TRPM3: variants seen among roughly 807,000 people sequenced by gnomAD.
TRPM3 encodes the protein transient receptor potential cation channel subfamily M member 3.
Under a neutral mutation model 181.2 loss-of-function variants are expected in TRPM3, and 77 were observed. The ratio of observed to expected loss-of-function variants is 0.42; its 90% confidence interval spans 0.35 to 0.51. TRPM3 has a LOEUF of 0.51. TRPM3 is among the 20% of genes least tolerant of loss of function. TRPM3 has a pLI of 0.01. For synonymous variants in TRPM3, 745 were observed against 796.4 expected (o/e 0.94, Z 1.09); for missense variants, 1,759 against 2,196.7 (o/e 0.80, Z 3.98).
At chr9:71,044,922 C>T (rs1476048720) in intron 1 of TRPM3, among the ~76,000 whole-genome samples, 1 of 152,082 alleles carries the variant, frequency 6.6e-6, no homozygotes, top group Non-Finnish European at 1.5e-5. Flanking sequence ...CCACCCGCCT[C>T]GGCCTCCCAA....
intron 1 of TRPM3, among the ~76,000 whole-genome samples, chr9:71,089,567 T>C (rs777813305): frequency 1.7e-4 from 25 of 150,536 alleles, no homozygotes; most frequent in Middle Eastern, 3.2e-3. Flanking sequence ...ATTTGGACAA[T>C]GATGTGAAAA....
At chr9:70,936,416 C>G (rs535009044) in intron 1 of TRPM3, among the ~76,000 whole-genome samples, 1 of 152,300 alleles carries the variant, frequency 6.6e-6, no homozygotes, top group East Asian at 1.9e-4. Context: ...GAGTTCCATA[C>G]TCTAAAGCTT....
At chr9:70,657,492 T>C (rs1277538457) in intron 9 of TRPM3, among the ~76,000 whole-genome samples, 2 of 152,164 alleles carry the variant, frequency 1.3e-5, no homozygotes, top group Admixed American at 1.3e-4. Context: ...ATATAATATT[T>C]GGTACACTGT....
chr9:71,123,750 A>T (rs1270311080), upstream of TRPM3, among the ~76,000 whole-genome samples: 2 of 152,196 alleles, frequency 1.3e-5, no homozygotes, highest in Non-Finnish European at 2.9e-5. Context: ...TCCAGTTGCG[A>T]GATGCTGCCT....
chr9:71,064,871 C>T lies in TRPM3; in HGVS notation c.177+56307G>A, dbSNP rs75713566. Among the ~76,000 whole-genome samples, 775 of 152,064 alleles carry T rather than the reference C, an allele frequency of 5.1e-3. 18 individuals carry two copies. The East Asian group carries it at 0.078, about 15-fold the overall frequency. On this transcript the variant is annotated intron_variant, in intron 1 of 25. Coordinates refer to ENST00000677713, the MANE Select transcript of TRPM3 (RefSeq NM_001366145.2). ...GGTTTATTGCTATCTTCTTATTAGCCCAGAAACTCTTGCAGGCTGAGATTA... is the reference window on the plus strand; with the variant it reads ...GGTTTATTGCTATCTTCTTATTAGCTCAGAAACTCTTGCAGGCTGAGATTA...
In TRPM3 at chr9:70,628,148, A is replaced by G. The variant is rs545442368; in HGVS notation, c.1633-2631T>C. On this transcript the variant is annotated intron_variant, in intron 12 of 25. Coordinates refer to ENST00000677713, the MANE Select transcript of TRPM3 (RefSeq NM_001366145.2). ...TATCCTTTGGCTTTCCTGGACTGTT[A>G]GGCGAGGCTGTTATTTAAAGAGTAG... is the stretch of plus-strand genomic sequence containing the variant. 6.6e-5 allele frequency among the ~76,000 whole-genome samples: 10 copies of G among 152,344 alleles called. No individual in the cohort carries two copies. The South Asian group carries it at 2.1e-3, about 32-fold the overall frequency.
chr9:71,381,875 GC>G (rs2092809408), intron 1 of TRPM3, among the ~76,000 whole-genome samples: 3 of 152,006 alleles, frequency 2.0e-5, no homozygotes, highest in African/African-American at 7.3e-5. Context: ...CTAAAGAAGG[GC>G]CTGGGTTCAG....
At chr9:70,821,428 T>A (rs983130689) in intron 6 of TRPM3, among the ~76,000 whole-genome samples, 1 of 152,220 alleles carries the variant, frequency 6.6e-6, no homozygotes, top group African/African-American at 2.4e-5. Flanking sequence ...ATAAGATTTT[T>A]AAATTCTTAT....
intron 1 of TRPM3, among the ~76,000 whole-genome samples, chr9:71,101,004 C>A (rs1033578673): frequency 6.6e-6 from 1 of 152,080 alleles, no homozygotes; most frequent in Non-Finnish European, 1.5e-5. Flanking sequence ...TCTTTCTCTA[C>A]TTGCTTTTTC....
chr9:70,802,244 A>G (rs942610990), intron 6 of TRPM3, among the ~76,000 whole-genome samples: 3 of 152,232 alleles, frequency 2.0e-5, no homozygotes, highest in African/African-American at 7.2e-5. Flanking sequence ...ACCATGAACA[A>G]TATTTTTTCC....
chr9:71,405,424 G>T (rs532723698), intron 1 of TRPM3, among the ~76,000 whole-genome samples: 232 of 152,190 alleles, frequency 1.5e-3, no homozygotes, highest in African/African-American at 5.4e-3. Flanking sequence ...TACTCCAGAA[G>T]ATATTTTTAA....
At chr9:70,593,392 A>G (rs1378499333) in intron 21 of TRPM3, among the ~76,000 whole-genome samples, 1 of 152,206 alleles carries the variant, frequency 6.6e-6, no homozygotes, top group Non-Finnish European at 1.5e-5. Context: ...AGTTCTATCA[A>G]TGAAAAAGCA....
At chr9:71,181,052 G>A (rs1226128532) in intron 1 of TRPM3, among the ~76,000 whole-genome samples, 1 of 152,078 alleles carries the variant, frequency 6.6e-6, no homozygotes, top group Non-Finnish European at 1.5e-5. Context: ...GCTCTAATTT[G>A]AGGACCCAGA....
At chr9:71,285,114 A>G (rs914151823) in intron 1 of TRPM3, among the ~76,000 whole-genome samples, 1 of 152,210 alleles carries the variant, frequency 6.6e-6, no homozygotes, top group Non-Finnish European at 1.5e-5. Flanking sequence ...ATGTGTTTAC[A>G]TATTTGCATG....
intron 1 of TRPM3, among the ~76,000 whole-genome samples, chr9:70,900,374 A>C (rs945994471): frequency 3.9e-5 from 6 of 151,960 alleles, no homozygotes; most frequent in African/African-American, 7.2e-5. Context: ...CAAACAACAA[A>C]AAAAAACTTA....
intron 1 of TRPM3, among the ~76,000 whole-genome samples, chr9:70,890,676 G>T (rs980746998): frequency 2.0e-5 from 3 of 151,744 alleles, no homozygotes; most frequent in African/African-American, 7.3e-5. Flanking sequence ...TTTAATCAAG[G>T]GTGAGAATAA....
At chr9:71,348,022 TTC>T (rs1441489971) in intron 1 of TRPM3, among the ~76,000 whole-genome samples, 1 of 152,074 alleles carries the variant, frequency 6.6e-6, no homozygotes, top group Non-Finnish European at 1.5e-5. Flanking sequence ...AAGGAATATT[TTC>T]TTTTTAGACA....
chr9:70,680,623 T>G (rs1856655), intron 9 of TRPM3, among the ~76,000 whole-genome samples: 99,725 of 152,060 alleles, frequency 0.66, 33,123 homozygotes, highest in African/African-American at 0.76. Flanking sequence ...CAACCATGAC[T>G]CTACAGCAGG....
At chr9:71,090,838 C>T (rs2066078212) in intron 1 of TRPM3, among the ~76,000 whole-genome samples, 1 of 152,062 alleles carries the variant, frequency 6.6e-6, no homozygotes, top group African/African-American at 2.4e-5. Context: ...ATATTTAAAA[C>T]TATTTAGTAC....
Sources: gnomAD v4.1 joint callset for allele counts (sites outside exome capture counted in the v4.1 genomes callset) on GRCh38, gnomAD v4.1.1 for gene constraint, MANE v1.5 for transcripts, NCBI Gene and HGNC (gene_info 2026-07-23, HGNC 2026-07-21) for gene names.